MOB3A: variants seen among roughly 807,000 people sequenced by gnomAD.
MOB3A encodes MOB LAK.
MOB3A carries 17 observed loss-of-function variants against 17.8 expected under a neutral mutation model. The observed-to-expected ratio is 0.95, with a 90% CI of 0.65 to 1.43. The LOEUF is 1.43. Among genes scored for constraint, MOB3A ranks in the 40% most tolerant of loss-of-function variants. The pLI is 0.00. For synonymous variants in MOB3A, 124 were observed against 133.2 expected (o/e 0.93, Z 0.48); for missense variants, 333 against 310.8 (o/e 1.07, Z -0.54).
In MOB3A at chr19:2,093,806, G is replaced by A. The variant is rs559040372; in HGVS notation, c.-274+2420C>T. Among the ~76,000 whole-genome samples, 2 of 152,126 alleles carry A rather than the reference G, an allele frequency of 1.3e-5. No individual in the cohort carries two copies. Among genetic ancestry groups the A allele is most frequent in the Non-Finnish European group, 2.9e-5 (2 of 67,970 alleles). ...GTTGCTTGAGGTGGGTGCCTGTGTC[G>A]TCCCTGGGGAAAGGGAAACACATCC... On this transcript the variant is annotated intron_variant, in intron 1 of 4. Transcript: ENST00000357066. This position sits in a 1 kb window ranked among gnomAD's most constrained non-coding sequence, Gnocchi z 4.6.
intron 2 of MOB3A, among the ~76,000 whole-genome samples, chr19:2,079,137 C>G (rs543203589): frequency 6.6e-6 from 1 of 152,250 alleles, no homozygotes; most frequent in African/African-American, 2.4e-5. Context: ...CAGAAGAGAA[C>G]TGCGCGTGGC....
At position 2,078,344 on chromosome 19, in the gene MOB3A, T is replaced by A. The variant is rs1402073270; in HGVS notation, c.217A>T (p.Asn73Tyr). ...TCGCTGATGGTGCCGTAGATGAGGT[T>A]GACGCGGTTAAAGAAGTCCACCACG... ...VHVVDFFNRV[N>Y]LIYGTISDGC... The change falls in exon 3 of 5, where the codon AAC becomes TAC. Residue 73 changes from asparagine to tyrosine, a missense_variant. Coordinates refer to ENST00000357066, the MANE Select transcript of MOB3A (RefSeq NM_130807.3). The A allele has an allele frequency of 1.9e-6, 3 of 1,612,334 alleles. No individual in the cohort carries two copies. Among genetic ancestry groups the A allele is most frequent in the Non-Finnish European group, 1.7e-6 (2 of 1,178,960 alleles).
rs2017505835 is a variant in MOB3A, at chr19:2,082,803, C to T, written c.-120+2372G>A. Among the ~76,000 whole-genome samples, 1 of 152,072 alleles carries T rather than the reference C, an allele frequency of 6.6e-6. No homozygotes were observed. Among genetic ancestry groups the T allele is most frequent in the South Asian group, 2.1e-4 (1 of 4,822 alleles). Reference sequence around the variant, plus strand: ...CAACCCCAGGGTCACCACACAGGTCCCCCCGCTTGCTTCTCTTCCATTTTT... The same window carrying T: ...CAACCCCAGGGTCACCACACAGGTCTCCCCGCTTGCTTCTCTTCCATTTTT... On this transcript the variant is annotated intron_variant, in intron 2 of 4. Transcript: ENST00000357066. This position sits in a 1 kb window ranked among gnomAD's most constrained non-coding sequence, Gnocchi z 4.1.
At chr19:2,090,610 C>T (rs1324954608) in intron 1 of MOB3A, among the ~76,000 whole-genome samples, 3 of 152,176 alleles carry the variant, frequency 2.0e-5, no homozygotes, top group Admixed American at 6.5e-5. Flanking sequence ...TTCCTCCTTC[C>T]CTGTGGGACT....
intron 2 of MOB3A, among the ~76,000 whole-genome samples, chr19:2,079,426 G>A (rs1033998942): frequency 5.3e-5 from 8 of 152,362 alleles, no homozygotes; most frequent in Non-Finnish European, 4.4e-5. Context: ...GATTCCTTGG[G>A]TGGCCCCACA....
rs143726946 is a variant in MOB3A, at chr19:2,095,030, G to A, written c.-274+1196C>T. 2.9e-3 allele frequency among the ~76,000 whole-genome samples: 440 copies of A among 152,282 alleles called. 3 individuals carry two copies. Among genetic ancestry groups the A allele is most frequent in the African/African-American group, 0.01 (425 of 41,544 alleles). ...TACTAAAAGTACAAAAATTAACTGG[G>A]TGTGGTGGTTGGCGCCTGTAATCCC... is the stretch of plus-strand genomic sequence containing the variant. On this transcript the variant is annotated intron_variant, in intron 1 of 4. Coordinates refer to ENST00000357066, the MANE Select transcript of MOB3A (RefSeq NM_130807.3).
chr19:2,080,416 C>T (rs1271129050), intron 2 of MOB3A, among the ~76,000 whole-genome samples: 3 of 151,822 alleles, frequency 2.0e-5, no homozygotes, highest in Non-Finnish European at 2.9e-5. Context: ...CTCGCTCTGT[C>T]ACCCAGGCTG....
chr19:2,083,228 C>A (rs2017511858), intron 2 of MOB3A, among the ~76,000 whole-genome samples: 1 of 152,248 alleles, frequency 6.6e-6, no homozygotes, highest in Admixed American at 6.5e-5. Flanking sequence ...TTCAAAGAGG[C>A]CACCTCTGTG....
Position 2,090,724 on chromosome 19 carries a change from C to T in MOB3A, c.-273-5396G>A, listed in dbSNP as rs140554270. On this transcript the variant is annotated intron_variant, in intron 1 of 4. Transcript: ENST00000357066. ...TGTTGCCCAGGCTGGAGTGCAGTGG[C>T]GCGATCTCGTCTCACTGCAACCTCC... Among the ~76,000 whole-genome samples, 1,262 of 152,112 alleles carry T rather than the reference C, an allele frequency of 8.3e-3. 17 individuals carry two copies. The highest frequency in any genetic ancestry group is 0.029 in the African/African-American group (1,192 of 41,480).
intron 2 of MOB3A, 106 bp from the exon 3 acceptor site, chr19:2,078,785 G>A: frequency 1.9e-6 from 1 of 520,226 alleles, no homozygotes; most frequent in Middle Eastern, 5.0e-4. Context: ...TTGAGACAGG[G>A]TCTTACTCTG....
At chr19:2,080,423 G>T (rs2017472493) in intron 2 of MOB3A, among the ~76,000 whole-genome samples, 1 of 151,840 alleles carries the variant, frequency 6.6e-6, no homozygotes, top group Admixed American at 6.6e-5. Flanking sequence ...TGTCACCCAG[G>T]CTGGAGTGCA....
At chr19:2,079,940 G>A (rs534517835) in intron 2 of MOB3A, among the ~76,000 whole-genome samples, 175 of 152,308 alleles carry the variant, frequency 1.1e-3, no homozygotes, top group African/African-American at 4.0e-3. Context: ...GGGACCCGGC[G>A]TCCTCCTACT....
chr19:2,094,595 G>A (rs2017649808), intron 1 of MOB3A, among the ~76,000 whole-genome samples: 1 of 152,188 alleles, frequency 6.6e-6, no homozygotes, highest in Non-Finnish European at 1.5e-5. Flanking sequence ...CCTCAGCTCT[G>A]CGTCCCAGCG....
intron 4 of MOB3A, 147 bp from the exon 5 acceptor site, chr19:2,073,571 G>T: frequency 9.9e-7 from 1 of 1,013,572 alleles, no homozygotes; most frequent in Non-Finnish European, 1.5e-6. Flanking sequence ...CACAGGCAAT[G>T]GCACACCTGA....
chr19:2,085,373 CTTTTTTTTT>C (rs553400214), intron 1 of MOB3A, 45 bp from the exon 2 acceptor site: 1 of 140,016 alleles, frequency 7.1e-6, no homozygotes, highest in Admixed American at 7.2e-5. Context: ...TGCTGCAACA[CTTTTTTTTT>C]TTTTTTTTTT....
chr19:2,078,356 A>G lies in MOB3A; in HGVS notation c.205T>C (p.Phe69Leu), dbSNP rs1222597008. Residue 69 changes from phenylalanine (F) to leucine (L), a missense_variant, in exon 3 of 5, where the codon TTT becomes CTT. Coordinates refer to ENST00000357066, the MANE Select transcript of MOB3A (RefSeq NM_130807.3). The part of the protein sequence containing the change: ...DWVAVHVVDF[F>L]NRVNLIYGTI... ...CCGTAGATGAGGTTGACGCGGTTAA[A>G]GAAGTCCACCACGTGAACAGCCACC... 1 of 1,614,022 alleles carries G rather than the reference A, an allele frequency of 6.2e-7. No individual in the cohort carries two copies. The highest frequency in any genetic ancestry group is 2.2e-5 in the East Asian group (1 of 44,878).
At chr19:2,076,694 G>T (rs1004283234) in intron 4 of MOB3A, 117 bp downstream of exon 4, 23 of 1,039,262 alleles carry the variant, frequency 2.2e-5, no homozygotes, top group South Asian at 1.2e-4. Context: ...CTCCAGCCGG[G>T]GCCGCCAGCT....
rs2017580829 is a variant in MOB3A at position 2,088,711 on chromosome 19, GC to G, written c.-273-3384del. On this transcript the variant is annotated intron_variant, in intron 1 of 4. Coordinates refer to ENST00000357066, the MANE Select transcript of MOB3A (RefSeq NM_130807.3). Reference sequence around the variant, plus strand: ...TCTCCAACTCCTGACCTCATGATCCGCCCGCCTCGACCTCCCAAAGTGCTGG... The same window carrying G: ...TCTCCAACTCCTGACCTCATGATCCGCCGCCTCGACCTCCCAAAGTGCTGG... Among the ~76,000 whole-genome samples, 3 of 151,790 alleles carry G rather than the reference GC, an allele frequency of 2.0e-5. No homozygotes were observed. In the South Asian group the frequency reaches 6.2e-4, roughly 32 times the overall value.
Position 2,078,620 on chromosome 19 carries a change from G to T in MOB3A, c.-60C>A. On this transcript the variant is annotated 5_prime_UTR_variant, in exon 3 of 5. Transcript: ENST00000357066. ...GGGGTCCTGGGCCAGCTGGCTGGGG[G>T]TGCTGACCAACCCGAGAGGCCACGA... The T allele has an allele frequency of 1.3e-6, 2 of 1,500,470 alleles. No individual in the cohort carries two copies. Among genetic ancestry groups the T allele is most frequent in the African/African-American group, 1.4e-5 (1 of 71,562 alleles). The allele number at this position is 1,500,470 out of a possible 1,614,324, so 92.9% of individuals were successfully genotyped here.
Sources: gnomAD v4.1 joint callset for allele counts (sites outside exome capture counted in the v4.1 genomes callset) on GRCh38, gnomAD v4.1.1 for gene constraint, Gnocchi (gnomAD v3.1) non-coding constraint, MANE v1.5 for transcripts, NCBI Gene and HGNC (gene_info 2026-07-23, HGNC 2026-07-21) for gene names.